PSPH: variants seen among roughly 807,000 people sequenced by gnomAD.
PSPH encodes L-3-phosphoserine phosphatase.
A neutral mutation model predicts 23.4 loss-of-function variants in PSPH; 16 were observed. That is an observed-to-expected ratio of 0.68 (90% CI 0.46 to 1.04). PSPH has a LOEUF of 1.04. Ranked by LOEUF, PSPH falls within the 50% of genes least tolerant of loss-of-function variation. The probability of loss-of-function intolerance (pLI) is 0.00; values close to 1 mark genes in which losing one functional copy is unlikely to be tolerated. For missense variants in PSPH, 223 were observed against 273.7 expected (o/e 0.81, Z 1.31); for synonymous variants, 68 against 99.7 (o/e 0.68, Z 1.89).
In PSPH at chr7:56,021,205, G is replaced by C. The variant is rs753679187; in HGVS notation, c.8C>G (p.Ser3Cys). Residue 3 changes from serine (S) to cysteine (C), a missense_variant, in exon 4 of 8, where the codon TCC becomes TGC. Ser to Cys is a moderately radical substitution (Grantham distance 112). Coordinates refer to ENST00000275605, the MANE Select transcript of PSPH (RefSeq NM_004577.4). MV[S>C]HSELRKLFYS... ...GAAAAGCTTCCTCAGCTCTGAGTGG[G>C]AGACCATCGCTGGAAGAATTTTCCT... The C allele has an allele frequency of 1.2e-6, 2 of 1,614,178 alleles. No individual in the cohort carries two copies. Among genetic ancestry groups the C allele is most frequent in the Non-Finnish European group, 1.7e-6 (2 of 1,180,014 alleles).
chr7:56,030,469 C>T (rs1211512513), intron 3 of PSPH, among the ~76,000 whole-genome samples: 1 of 152,030 alleles, frequency 6.6e-6, no homozygotes, highest in Non-Finnish European at 1.5e-5. Flanking sequence ...GAAAACATGT[C>T]CTTTGCTGCA....
intron 6 of PSPH, among the ~76,000 whole-genome samples, 180 bp downstream of exon 6, chr7:56,017,054 G>GACCT (rs1788654170): frequency 6.6e-6 from 1 of 152,164 alleles, no homozygotes. Flanking sequence ...GACAGGTGAT[G>GACCT]ACCTAAGTCT....
chr7:56,014,258 T>C (rs1788302088), intron 7 of PSPH, among the ~76,000 whole-genome samples: 1 of 152,182 alleles, frequency 6.6e-6, no homozygotes, highest in Non-Finnish European at 1.5e-5. Flanking sequence ...TTGTTGATGG[T>C]ATTATTTGGG....
At chr7:56,011,997 C>T in intron 7 of PSPH, 128 bp from the exon 8 acceptor site, 1 of 744,714 alleles carries the variant, frequency 1.3e-6, no homozygotes, top group Admixed American at 2.1e-5. Flanking sequence ...CCTCTGCCTC[C>T]TGGGTTCAAG....
intron 3 of PSPH, among the ~76,000 whole-genome samples, chr7:56,026,471 A>AGAGC: frequency 1.4e-5 from 2 of 141,684 alleles, no homozygotes; most frequent in East Asian, 4.4e-4. Context: ...CCTGGGTGAC[A>AGAGC]GAGCGAGACT....
In PSPH at chr7:56,023,365, C is replaced by T. The variant is rs181429067; in HGVS notation, c.-19-2134G>A. The stretch of plus-strand genomic sequence containing the variant: ...CCTCCAAATCCAGGGCTCAAGTGAT[C>T]CTCCTGCCTCAGTCTCCCAAGTAGC... On this transcript the variant is annotated intron_variant, in intron 3 of 7. Coordinates refer to ENST00000275605, the MANE Select transcript of PSPH (RefSeq NM_004577.4). Among the ~76,000 whole-genome samples, 23 of 151,986 alleles carry T rather than the reference C, an allele frequency of 1.5e-4. No individual in the cohort carries two copies. The East Asian group carries it at 4.3e-3, about 28-fold the overall frequency.
chr7:56,014,999 A>G, intron 7 of PSPH, 24 bp downstream of exon 7: 1 of 1,581,904 alleles, frequency 6.3e-7, no homozygotes. Flanking sequence ...AACCTGAAAA[A>G]AAATTAGCAC....
At chr7:56,049,075 A>G (rs575537797) in intron 1 of PSPH, among the ~76,000 whole-genome samples, 1 of 151,222 alleles carries the variant, frequency 6.6e-6, no homozygotes, top group Non-Finnish European at 1.5e-5. Context: ...ACCCGCCACC[A>G]TGCCCAGCTA....
At chr7:56,050,394 T>C (rs1793853808) in intron 1 of PSPH, among the ~76,000 whole-genome samples, 1 of 152,100 alleles carries the variant, frequency 6.6e-6, no homozygotes, top group Non-Finnish European at 1.5e-5. Context: ...GCCTCCCAAG[T>C]AGCTGGGATC....
chr7:56,032,429 G>GGCGGGCGGATCAC (rs1200359261), intron 2 of PSPH, among the ~76,000 whole-genome samples: 1 of 152,048 alleles, frequency 6.6e-6, no homozygotes, highest in Non-Finnish European at 1.5e-5. Flanking sequence ...GGGAGGCTAA[G>GGCGGGCGGATCAC]GCGGGCGGAT....
At chr7:56,014,607 G>A (rs1012635501) in intron 7 of PSPH, among the ~76,000 whole-genome samples, 3 of 151,822 alleles carry the variant, frequency 2.0e-5, no homozygotes, top group African/African-American at 7.3e-5. Flanking sequence ...TTCCTGCCTC[G>A]ACCTCCCAAA....
intron 6 of PSPH, among the ~76,000 whole-genome samples, chr7:56,016,430 A>G (rs1356871054): frequency 1.4e-5 from 2 of 143,504 alleles, no homozygotes; most frequent in East Asian, 2.0e-4. Flanking sequence ...AAAAATCACT[A>G]TCAGTCACTC....
chr7:56,049,738 T>TTTA (rs988129752), intron 1 of PSPH, among the ~76,000 whole-genome samples: 4 of 149,706 alleles, frequency 2.7e-5, no homozygotes, highest in African/African-American at 4.9e-5. Context: ...GTACCTGGCC[T>TTTA]TTATTATTAT....
chr7:56,036,585 T>C (rs890154897), intron 1 of PSPH, among the ~76,000 whole-genome samples: 3 of 150,722 alleles, frequency 2.0e-5, no homozygotes, highest in African/African-American at 7.3e-5. Flanking sequence ...GCCGTGATCA[T>C]GCCACTGTAC....
chr7:56,035,082 T>C (rs1242984508), intron 1 of PSPH, among the ~76,000 whole-genome samples: 1 of 152,012 alleles, frequency 6.6e-6, no homozygotes, highest in Non-Finnish European at 1.5e-5. Flanking sequence ...GGCTCAAGCA[T>C]GTAATCCCAG....
intron 1 of PSPH, among the ~76,000 whole-genome samples, chr7:56,044,909 A>G (rs1318664814): frequency 1.3e-5 from 1 of 78,612 alleles, no homozygotes. Flanking sequence ...CCCCATCTCT[A>G]CTAAAATACA....
chr7:56,014,908 A>C (rs886959620), intron 7 of PSPH, 115 bp downstream of exon 7: 1 of 1,139,862 alleles, frequency 8.8e-7, no homozygotes. Flanking sequence ...ACGCCACTGC[A>C]CTCCAACCTG....
chr7:56,016,501 G>C (rs1788582476), intron 6 of PSPH, among the ~76,000 whole-genome samples: 1 of 151,886 alleles, frequency 6.6e-6, no homozygotes, highest in Non-Finnish European at 1.5e-5. Flanking sequence ...GGACCAGAGA[G>C]GGGACAGGAG....
chr7:56,025,809 G>A (rs1790112360), intron 3 of PSPH, among the ~76,000 whole-genome samples: 1 of 152,182 alleles, frequency 6.6e-6, no homozygotes, highest in Non-Finnish European at 1.5e-5. Flanking sequence ...GCCCAGGCTG[G>A]TCTCGAATTC....
Sources: gnomAD v4.1 joint callset for allele counts (sites outside exome capture counted in the v4.1 genomes callset) on GRCh38, gnomAD v4.1.1 for gene constraint, MANE v1.5 for transcripts, NCBI Gene and HGNC (gene_info 2026-07-23, HGNC 2026-07-21) for gene names.